The following BBX variants were observed in gnomAD, a reference collection of about 807,000 sequenced individuals.
BBX encodes the protein HMG box transcription factor BBX.
A neutral mutation model predicts 100.2 loss-of-function variants in BBX; 30 were observed. That is an observed-to-expected ratio of 0.30 (90% confidence interval 0.22 to 0.41). The LOEUF (loss-of-function observed/expected upper bound fraction) is 0.41. Ranked by LOEUF, BBX falls within the 10% of genes least tolerant of loss-of-function variation. The pLI is 1.00. For missense variants in BBX, 1,023 were observed against 1,129.8 expected (o/e 0.91, Z 1.35); for synonymous variants, 376 against 388.1 (o/e 0.97, Z 0.37).
At chr3:107,544,855 A>G (rs968599606) in intron 2 of BBX, among the ~76,000 whole-genome samples, 4 of 151,074 alleles carry the variant, frequency 2.6e-5, no homozygotes, top group Admixed American at 6.6e-5. Context: ...AAAAAAAAAA[A>G]AAAAGAAAAA....
intron 3 of BBX, among the ~76,000 whole-genome samples, chr3:107,706,607 A>C (rs972491482): frequency 1.3e-5 from 2 of 152,226 alleles, no homozygotes; most frequent in Non-Finnish European, 2.9e-5. Flanking sequence ...TTATTCTAAA[A>C]TTGCAATGCA....
At chr3:107,568,892 A>G (rs929095336) in intron 2 of BBX, among the ~76,000 whole-genome samples, 5 of 152,324 alleles carry the variant, frequency 3.3e-5, no homozygotes, top group Admixed American at 1.3e-4. Context: ...TTTGAAGTCT[A>G]TGTAAAATAT....
intron 7 of BBX, among the ~76,000 whole-genome samples, chr3:107,741,899 C>T (rs1203183392): frequency 6.6e-6 from 1 of 151,452 alleles, no homozygotes; most frequent in African/African-American, 2.4e-5. Context: ...ATGTGTAGAT[C>T]AGTGTATCCA....
At chr3:107,725,618 C>T (rs1056121524) in intron 5 of BBX, among the ~76,000 whole-genome samples, 1 of 151,936 alleles carries the variant, frequency 6.6e-6, no homozygotes, top group African/African-American at 2.4e-5. Flanking sequence ...ATTAAGTAGA[C>T]AAAATACTGT....
At position 107,809,309 on chromosome 3, in the gene BBX, T is replaced by C. The variant is rs956509583; in HGVS notation, c.*3852T>C. ...CCATGCTGCCTGCTAAACTACTGTA[T>C]GAATCGTAAATGTTCTGAAGACGAG... On this transcript the variant is annotated 3_prime_UTR_variant, in exon 18 of 18. Transcript: ENST00000325805. 7 of 152,154 alleles carry C rather than the reference T, an allele frequency of 4.6e-5. No homozygotes were observed. The highest frequency in any genetic ancestry group is 2.0e-4 in the Admixed American group (3 of 15,270). 9.4% of individuals were successfully genotyped at this position (152,154 alleles called of 1,614,324 possible).
intron 2 of BBX, among the ~76,000 whole-genome samples, chr3:107,613,166 G>A (rs913995800): frequency 1.3e-5 from 2 of 151,662 alleles, no homozygotes; most frequent in Admixed American, 6.6e-5. Context: ...CTCTGGCCCA[G>A]GGTAGGTCAG....
At chr3:107,769,991 A>G (rs1457870566) in intron 10 of BBX, among the ~76,000 whole-genome samples, 1 of 152,162 alleles carries the variant, frequency 6.6e-6, no homozygotes, top group Non-Finnish European at 1.5e-5. Context: ...TGTTTTTCCT[A>G]TAATTTAGGA....
chr3:107,796,495 A>C (rs1244779343), intron 15 of BBX, among the ~76,000 whole-genome samples: 2 of 152,234 alleles, frequency 1.3e-5, no homozygotes, highest in Admixed American at 1.3e-4. Flanking sequence ...AGACTCCTGT[A>C]ATCAGAAGGG....
intron 7 of BBX, among the ~76,000 whole-genome samples, chr3:107,738,936 A>G (rs2063860802): frequency 6.6e-6 from 1 of 152,214 alleles, no homozygotes; most frequent in African/African-American, 2.4e-5. Flanking sequence ...TCGTAGAATG[A>G]GGAATTCATA....
intron 2 of BBX, among the ~76,000 whole-genome samples, chr3:107,622,414 G>T (rs757024680): frequency 6.6e-6 from 1 of 152,104 alleles, no homozygotes; most frequent in South Asian, 2.1e-4. Flanking sequence ...TTATGTTAGC[G>T]TAACTTTTGA....
chr3:107,642,968 G>T (rs971417027), intron 2 of BBX, among the ~76,000 whole-genome samples: 1 of 152,170 alleles, frequency 6.6e-6, no homozygotes, highest in African/African-American at 2.4e-5. Context: ...CATTCATGGG[G>T]ATTAAATATT....
chr3:107,759,770 C>T (rs6770386), intron 10 of BBX, among the ~76,000 whole-genome samples: 43 of 152,072 alleles, frequency 2.8e-4, no homozygotes, highest in African/African-American at 1.0e-3. Flanking sequence ...CTTCTAAGAT[C>T]GGTGATATAG....
intron 3 of BBX, among the ~76,000 whole-genome samples, chr3:107,689,140 G>A (rs749131497): frequency 2.0e-5 from 3 of 152,122 alleles, no homozygotes; most frequent in East Asian, 1.9e-4. Context: ...TTCTTAAGCC[G>A]TATAGTAGTA....
At chr3:107,665,904 T>C (rs887669300) in intron 3 of BBX, among the ~76,000 whole-genome samples, 2 of 152,194 alleles carry the variant, frequency 1.3e-5, no homozygotes, top group African/African-American at 4.8e-5. Context: ...AGGCAAGTTG[T>C]TTCTTCCTTT....
At chr3:107,644,211 TACG>T (rs1324786339) in intron 2 of BBX, among the ~76,000 whole-genome samples, 1 of 151,108 alleles carries the variant, frequency 6.6e-6, no homozygotes, top group South Asian at 2.1e-4. Flanking sequence ...AGAACTTACT[TACG>T]TATATAGGGA....
chr3:107,527,023 G>A (rs1246533006), intron 2 of BBX, among the ~76,000 whole-genome samples: 1 of 152,154 alleles, frequency 6.6e-6, no homozygotes, highest in African/African-American at 2.4e-5. Context: ...AATAAACAAA[G>A]ACTTTGAGAT....
At chr3:107,546,554 A>C (rs2049255374) in intron 2 of BBX, among the ~76,000 whole-genome samples, 2 of 152,222 alleles carry the variant, frequency 1.3e-5, no homozygotes. Context: ...TTTCTGTAAG[A>C]AACTTGTATC....
At chr3:107,659,662 C>T in intron 3 of BBX, 1 of 1,127,136 alleles carries the variant, frequency 8.9e-7, no homozygotes, top group Non-Finnish European at 1.2e-6. Context: ...GGCTGTCTGG[C>T]TGCAGGGTTT....
intron 2 of BBX, among the ~76,000 whole-genome samples, chr3:107,633,238 A>G (rs1047033966): frequency 6.6e-6 from 1 of 152,150 alleles, no homozygotes; most frequent in Non-Finnish European, 1.5e-5. Context: ...TTTATTTTGA[A>G]TTTCATATGT....
Sources: gnomAD v4.1 joint callset for allele counts (sites outside exome capture counted in the v4.1 genomes callset) on GRCh38, gnomAD v4.1.1 for gene constraint, MANE v1.5 for transcripts, NCBI Gene and HGNC (gene_info 2026-07-23, HGNC 2026-07-21) for gene names.